The following ZSCAN5A variants were observed in gnomAD, a reference collection of about 807,000 sequenced individuals.
The protein encoded by ZSCAN5A is zinc finger and SCAN domain-containing protein 5A.
In ZSCAN5A, 12 loss-of-function variants were observed where a neutral mutation model predicts 23.7. The observed-to-expected ratio is 0.51, with a 90% confidence interval of 0.32 to 0.82. ZSCAN5A has a LOEUF of 0.82. ZSCAN5A is among the 40% of genes least tolerant of loss of function. The pLI is 0.03. For synonymous variants in ZSCAN5A, 257 were observed against 239.9 expected (o/e 1.07, Z -0.66); for missense variants, 597 against 617.9 (o/e 0.97, Z 0.36).
At chr19:56,282,036 G>A (rs1363102648) in intron 2 of ZSCAN5A, among the ~76,000 whole-genome samples, 1 of 152,136 alleles carries the variant, frequency 6.6e-6, no homozygotes, top group Non-Finnish European at 1.5e-5. Context: ...CAATCTAGGG[G>A]CCTTTGCTCT....
chr19:56,353,105 T>C (rs1332914650), intron 2 of ZSCAN5A, among the ~76,000 whole-genome samples: 1 of 152,150 alleles, frequency 6.6e-6, no homozygotes, highest in Non-Finnish European at 1.5e-5. Context: ...TTACCCCAGC[T>C]GAGAACCGCA....
chr19:56,304,757 T>C, intron 2 of ZSCAN5A: 1 of 984,836 alleles, frequency 1.0e-6, no homozygotes, highest in Non-Finnish European at 1.2e-6. Context: ...CCCAACTGTT[T>C]CTTTCTCTGT....
At chr19:56,331,672 C>T (rs933358486) in intron 2 of ZSCAN5A, among the ~76,000 whole-genome samples, 20 of 141,436 alleles carry the variant, frequency 1.4e-4, no homozygotes, top group African/African-American at 4.8e-4. Flanking sequence ...ACTGCAACCT[C>T]TGCCTCCTGG....
At chr19:56,269,656 G>C (rs1217303745) in intron 2 of ZSCAN5A, among the ~76,000 whole-genome samples, 1 of 152,222 alleles carries the variant, frequency 6.6e-6, no homozygotes, top group Non-Finnish European at 1.5e-5. Flanking sequence ...TGTACGGTGA[G>C]AAAGACTTGA....
intron 2 of ZSCAN5A, among the ~76,000 whole-genome samples, chr19:56,326,327 G>GTGTGTC (rs2041433994): frequency 2.6e-5 from 4 of 151,982 alleles, no homozygotes. Context: ...GTGTGTGTGT[G>GTGTGTC]TGTGTGTGTG....
intron 2 of ZSCAN5A, among the ~76,000 whole-genome samples, chr19:56,308,083 G>C (rs1306722713): frequency 6.6e-6 from 1 of 152,246 alleles, no homozygotes; most frequent in Non-Finnish European, 1.5e-5. Flanking sequence ...CGCCAGGCTG[G>C]AGCGCAGTGG....
intron 2 of ZSCAN5A, chr19:56,274,486 T>A (rs1262900539): frequency 2.0e-5 from 3 of 150,984 alleles, no homozygotes; most frequent in African/African-American, 7.3e-5. Flanking sequence ...AAAAACTCTG[T>A]AGAGGAACAC....
intron 2 of ZSCAN5A, among the ~76,000 whole-genome samples, chr19:56,277,265 A>T (rs1378921516): frequency 6.6e-6 from 1 of 152,244 alleles, no homozygotes; most frequent in African/African-American, 2.4e-5. Flanking sequence ...CCTAAGAGCT[A>T]GCAAGTGAAG....
At position 56,241,818 on chromosome 19, in the gene ZSCAN5A, C is replaced by T. The variant is rs143189116; in HGVS notation, c.-127-16645G>A. On this transcript the variant is annotated intron_variant, in intron 2 of 5. Coordinates refer to ENST00000683990, the MANE Select transcript of ZSCAN5A (RefSeq NM_001322064.3). ...TTAAAATTATTATTCATGTCATCTA[C>T]TTCTTTTTTAATTTTTTAAATGATT... Among the ~76,000 whole-genome samples, 10 of 152,254 alleles carry T rather than the reference C, an allele frequency of 6.6e-5. No individual in the cohort carries two copies. In the South Asian group the frequency reaches 1.9e-3, roughly 28 times the overall value.
chr19:56,322,241 A>G, intron 2 of ZSCAN5A: 1 of 1,073,778 alleles, frequency 9.3e-7, no homozygotes, highest in Non-Finnish European at 1.4e-6. Context: ...AAACTGAGAA[A>G]GTCCTAAAAC....
intron 2 of ZSCAN5A, among the ~76,000 whole-genome samples, chr19:56,349,656 G>C (rs1293330267): frequency 8.2e-6 from 1 of 121,252 alleles, no homozygotes; most frequent in East Asian, 2.7e-4. Context: ...AGTTAGCCAA[G>C]ATCACACCAC....
At chr19:56,343,255 A>C (rs2041608596) in intron 2 of ZSCAN5A, 2 of 836,630 alleles carry the variant, frequency 2.4e-6, no homozygotes, top group Non-Finnish European at 1.9e-6. Context: ...AACCCCCTTC[A>C]GTATTCCTCT....
chr19:56,362,466 G>C (rs2041740035), intron 2 of ZSCAN5A, among the ~76,000 whole-genome samples: 1 of 152,214 alleles, frequency 6.6e-6, no homozygotes, highest in South Asian at 2.1e-4. Context: ...CTACTTGGGA[G>C]GCTGAGGCAA....
chr19:56,326,304 A>C (rs2041433335), intron 2 of ZSCAN5A, among the ~76,000 whole-genome samples: 1 of 118,348 alleles, frequency 8.4e-6, no homozygotes, highest in African/African-American at 4.3e-5. Flanking sequence ...CACAGTTACC[A>C]TTGTGTGTGT....
chr19:56,344,619 T>TA (rs2041617391), intron 2 of ZSCAN5A, among the ~76,000 whole-genome samples: 1 of 137,260 alleles, frequency 7.3e-6, no homozygotes, highest in Non-Finnish European at 1.6e-5. Context: ...AAAAAAAAGA[T>TA]ACGGCCGGGC....
intron 2 of ZSCAN5A, among the ~76,000 whole-genome samples, chr19:56,325,345 T>C (rs2041422612): frequency 6.6e-6 from 1 of 152,152 alleles, no homozygotes; most frequent in Non-Finnish European, 1.5e-5. Context: ...CTTCCTAATG[T>C]CCCGCTTTAT....
chr19:56,243,398 A>G (rs566943632), intron 2 of ZSCAN5A, among the ~76,000 whole-genome samples: 1 of 143,524 alleles, frequency 7.0e-6, no homozygotes, highest in South Asian at 2.5e-4. Flanking sequence ...TTACCAAAAT[A>G]GCAATATCTG....
chr19:56,257,369 AC>A (rs1245063051), intron 2 of ZSCAN5A, among the ~76,000 whole-genome samples: 1 of 152,200 alleles, frequency 6.6e-6, no homozygotes, highest in Non-Finnish European at 1.5e-5. Context: ...CACGTTCCCA[AC>A]AGATGTCACG....
chr19:56,277,749 A>T (rs1479625074), intron 2 of ZSCAN5A, among the ~76,000 whole-genome samples: 1 of 152,154 alleles, frequency 6.6e-6, no homozygotes, highest in Admixed American at 6.5e-5. Flanking sequence ...ATAGAGACTC[A>T]GAAGGAAGGA....
Sources: allele counts gnomAD v4.1 joint callset (sites outside exome capture counted in the v4.1 genomes callset), GRCh38; gene constraint gnomAD v4.1.1; transcripts MANE v1.5; gene names NCBI Gene and HGNC (gene_info 2026-07-23, HGNC 2026-07-21).